The following KDM4C variants were observed in gnomAD, a reference collection of about 807,000 sequenced individuals.
KDM4C encodes lysine-specific demethylase 4C.
KDM4C carries 81 observed loss-of-function variants against 129.3 expected under a neutral mutation model. That is an observed-to-expected ratio of 0.63 (90% CI 0.52 to 0.75). The LOEUF is 0.75. KDM4C is among the 30% of genes least tolerant of loss of function. The probability of loss-of-function intolerance (pLI) is 0.00; values close to 1 mark genes in which losing one functional copy is unlikely to be tolerated. For missense variants in KDM4C, 1,457 were observed against 1,304.0 expected (o/e 1.12, Z -1.81); for synonymous variants, 573 against 456.1 (o/e 1.26, Z -3.26).
chr9:6,880,724 T>C (rs1185439620), intron 6 of KDM4C, among the ~76,000 whole-genome samples: 1 of 152,234 alleles, frequency 6.6e-6, no homozygotes, highest in Admixed American at 6.5e-5. Context: ...TGGACCTCTA[T>C]TGATGATCCT....
At position 7,013,822 on chromosome 9, in the gene KDM4C, G is replaced by A. The variant is rs745945315; in HGVS notation, c.2003G>A (p.Trp668Ter). Residue 668 changes from tryptophan to a stop codon, truncating the protein, a stop_gained, in exon 14 of 22, where the codon TGG becomes TAG. Transcript: ENST00000381309. LOFTEE classifies it high-confidence loss of function. ...DSSNEENDAR[W>*]ETKLDEVVTS... is the part of the protein sequence containing the mutation. Reference sequence around the variant, plus strand: ...AGCAATGAAGAAAATGATGCTAGATGGGAGACAAAATTAGATGAAGTCGTT... The same window carrying A: ...AGCAATGAAGAAAATGATGCTAGATAGGAGACAAAATTAGATGAAGTCGTT... The A allele has an allele frequency of 6.2e-7, 1 of 1,613,892 alleles. No individual in the cohort carries two copies. The highest frequency in any genetic ancestry group is 1.7e-5 in the Admixed American group (1 of 60,016).
At chr9:6,772,946 T>C (rs918177531) in intron 1 of KDM4C, among the ~76,000 whole-genome samples, 7 of 151,994 alleles carry the variant, frequency 4.6e-5, no homozygotes, top group African/African-American at 1.7e-4. Context: ...TCCACCCACC[T>C]CGGCCTCCCC....
intron 17 of KDM4C, among the ~76,000 whole-genome samples, chr9:7,065,308 T>C (rs988513686): frequency 6.6e-6 from 1 of 152,160 alleles, no homozygotes; most frequent in Non-Finnish European, 1.5e-5. Flanking sequence ...CATCTTTCTT[T>C]AATAATAAAA....
At chr9:6,844,471 C>G (rs1456905484) in intron 4 of KDM4C, among the ~76,000 whole-genome samples, 1 of 152,144 alleles carries the variant, frequency 6.6e-6, no homozygotes, top group Non-Finnish European at 1.5e-5. Flanking sequence ...ATAAGGCTTC[C>G]TTTAATATGT....
chr9:7,125,340 G>A (rs1272185962), intron 18 of KDM4C, among the ~76,000 whole-genome samples: 1 of 152,184 alleles, frequency 6.6e-6, no homozygotes, highest in African/African-American at 2.4e-5. Context: ...TGGCATGCTA[G>A]AATGTGTTCC....
intron 15 of KDM4C, among the ~76,000 whole-genome samples, chr9:7,032,280 AG>A (rs1157058842): frequency 2.0e-5 from 3 of 152,228 alleles, no homozygotes; most frequent in African/African-American, 7.2e-5. Flanking sequence ...TCCTGTCTAC[AG>A]CAAGAGTTAG....
At chr9:6,963,320 A>G (rs917279551) in intron 8 of KDM4C, among the ~76,000 whole-genome samples, 1 of 152,252 alleles carries the variant, frequency 6.6e-6, no homozygotes, top group Non-Finnish European at 1.5e-5. Context: ...TTATTCAGTT[A>G]TTAATTCATG....
At chr9:6,919,362 A>G (rs996681442) in intron 8 of KDM4C, among the ~76,000 whole-genome samples, 1 of 147,878 alleles carries the variant, frequency 6.8e-6, no homozygotes, top group Non-Finnish European at 1.5e-5. Context: ...ATTATCTCCC[A>G]TTATGTAAGG....
intron 17 of KDM4C, among the ~76,000 whole-genome samples, chr9:7,049,621 C>G (rs1022599694): frequency 6.6e-6 from 1 of 152,018 alleles, no homozygotes; most frequent in Non-Finnish European, 1.5e-5. Flanking sequence ...CAAGAAGAGA[C>G]ACACAGAGAA....
intron 8 of KDM4C, among the ~76,000 whole-genome samples, chr9:6,962,779 A>T (rs978712827): frequency 1.3e-5 from 2 of 152,122 alleles, no homozygotes; most frequent in African/African-American, 4.8e-5. Flanking sequence ...TAACATGAAA[A>T]CTTTAAATTG....
intron 17 of KDM4C, 28 bp downstream of exon 17, chr9:7,049,228 C>A: frequency 8.3e-7 from 1 of 1,210,260 alleles, no homozygotes. Flanking sequence ...TTTTTTACCT[C>A]ATAAATTAGT....
intron 4 of KDM4C, among the ~76,000 whole-genome samples, chr9:6,832,600 T>C (rs1835060612): frequency 1.3e-5 from 2 of 149,996 alleles, no homozygotes; most frequent in Admixed American, 1.3e-4. Context: ...TAATTTTTTG[T>C]ATTTTTAGTA....
At chr9:7,022,897 G>A (rs756688809) in intron 15 of KDM4C, among the ~76,000 whole-genome samples, 2 of 152,064 alleles carry the variant, frequency 1.3e-5, no homozygotes, top group Non-Finnish European at 2.9e-5. Flanking sequence ...AGCATCAATT[G>A]CAGTGATCAT....
At chr9:7,070,181 C>A (rs955208327) in intron 17 of KDM4C, among the ~76,000 whole-genome samples, 41 of 152,018 alleles carry the variant, frequency 2.7e-4, no homozygotes, top group African/African-American at 9.9e-4. Context: ...CAAGAAATAG[C>A]TAAATAAGAA....
intron 6 of KDM4C, among the ~76,000 whole-genome samples, chr9:6,884,552 C>T (rs1470726527): frequency 6.6e-6 from 1 of 152,166 alleles, no homozygotes; most frequent in African/African-American, 2.4e-5. Context: ...TCAAAGCATA[C>T]TTGGGCAAAT....
intron 19 of KDM4C, among the ~76,000 whole-genome samples, chr9:7,156,262 C>A (rs1027704339): frequency 6.6e-6 from 1 of 152,140 alleles, no homozygotes; most frequent in Non-Finnish European, 1.5e-5. Flanking sequence ...AGCCCTTTGT[C>A]AGGTGGGTAG....
In KDM4C at chr9:7,008,015, G is replaced by C. The variant is rs181193377; in HGVS notation, c.1787-3683G>C. Among the ~76,000 whole-genome samples, 226 of 152,232 alleles carry C rather than the reference G, an allele frequency of 1.5e-3. No individual in the cohort carries two copies. The Middle Eastern group carries it at 0.02, about 14-fold the overall frequency. On this transcript the variant is annotated intron_variant, in intron 12 of 21. Transcript: ENST00000381309. Reference sequence around the variant, plus strand: ...GCCTTCAAAAGAGATACAGGAACCAGATGAGAGATGATGGCACCTGAGTAT... The same window carrying C: ...GCCTTCAAAAGAGATACAGGAACCACATGAGAGATGATGGCACCTGAGTAT...
At chr9:7,099,616 C>G (rs1419420293) in intron 17 of KDM4C, among the ~76,000 whole-genome samples, 1 of 152,232 alleles carries the variant, frequency 6.6e-6, no homozygotes, top group Non-Finnish European at 1.5e-5. Flanking sequence ...ACCCTGTAGC[C>G]TCTTGGTTCT....
chr9:6,883,363 T>C (rs1483414819), intron 6 of KDM4C, among the ~76,000 whole-genome samples: 1 of 152,230 alleles, frequency 6.6e-6, no homozygotes, highest in Non-Finnish European at 1.5e-5. Flanking sequence ...ATATATCCTC[T>C]GCCTTCATGC....
Sources: allele counts gnomAD v4.1 joint callset (sites outside exome capture counted in the v4.1 genomes callset), GRCh38; gene constraint gnomAD v4.1.1; transcripts MANE v1.5; gene names NCBI Gene and HGNC (gene_info 2026-07-23, HGNC 2026-07-21).